THEMIS: variants seen among roughly 807,000 people sequenced by gnomAD.
THEMIS encodes the protein thymocyte selection associated.
In THEMIS, 37 loss-of-function variants were observed where a neutral mutation model predicts 52.6. The observed-to-expected ratio is 0.70, with a 90% CI of 0.54 to 0.93. The LOEUF (loss-of-function observed/expected upper bound fraction) is 0.93, where lower values mean the gene tolerates loss of function less well. Among genes scored for constraint, THEMIS ranks in the 40% least tolerant of loss-of-function variants. The probability of loss-of-function intolerance (pLI) is 0.00; values close to 1 mark genes in which losing one functional copy is unlikely to be tolerated. For missense variants in THEMIS, 808 were observed against 763.1 expected, an observed-to-expected ratio of 1.06 and a Z score of -0.69; for synonymous variants, 292 against 272.7, an observed-to-expected ratio of 1.07 and a Z score of -0.70.
intron 4 of THEMIS, among the ~76,000 whole-genome samples, chr6:127,746,989 A>ATATAATATAAT (rs1775446869): frequency 2.6e-5 from 2 of 76,422 alleles, no homozygotes; most frequent in African/African-American, 1.2e-4. Context: ...ATATAATTAT[A>ATATAATATAAT]TATAGATATC....
intron 4 of THEMIS, among the ~76,000 whole-genome samples, chr6:127,765,048 T>A (rs1049841898): frequency 6.6e-6 from 1 of 152,044 alleles, no homozygotes; most frequent in Non-Finnish European, 1.5e-5. Flanking sequence ...CCGTTGAGAC[T>A]TTCAAGAATT....
intron 4 of THEMIS, among the ~76,000 whole-genome samples, chr6:127,786,804 T>A (rs1776964971): frequency 6.6e-6 from 1 of 152,208 alleles, no homozygotes; most frequent in South Asian, 2.1e-4. Flanking sequence ...ATCTTTTTTT[T>A]AAGAAAAGTG....
In THEMIS at chr6:127,787,701, C is replaced by T. The variant is rs528935550; in HGVS notation, c.1758+25182G>A. Among the ~76,000 whole-genome samples the T allele has an allele frequency of 6.6e-5, 10 of 152,152 alleles. No homozygotes were observed. In the South Asian group the frequency reaches 2.1e-3, roughly 32 times the overall value. ...TCTCGTTTCTCATCATTACAAACAT[C>T]AGCATGGCATGAGGTTAATAAAGGA... On this transcript the variant is annotated intron_variant, in intron 4 of 5. Transcript: ENST00000368248.
At chr6:127,781,768 C>G (rs997625109) in intron 4 of THEMIS, among the ~76,000 whole-genome samples, 3 of 152,096 alleles carry the variant, frequency 2.0e-5, no homozygotes, top group African/African-American at 7.2e-5. Context: ...CCTCTGGAAG[C>G]TTTGTCCCAG....
chr6:127,787,880 T>TAGATAGATAGATAG (rs200767496), intron 4 of THEMIS, among the ~76,000 whole-genome samples: 8 of 120,002 alleles, frequency 6.7e-5, no homozygotes, highest in East Asian at 4.6e-4. Context: ...GATAGATAGA[T>TAGATAGATAGATAG]ATAGATAGAT....
chr6:127,829,554 A>C lies in THEMIS; in HGVS notation c.631T>G (p.Ser211Ala). Residue 211 changes from serine (S) to alanine (A), a missense_variant, in exon 3 of 6, where the codon TCA becomes GCA. Ser to Ala is a moderately conservative substitution (Grantham distance 99). Coordinates refer to ENST00000368248, the MANE Select transcript of THEMIS (RefSeq NM_001010923.3). ...NLTDFSNKWD[S>A]TNPFPKDFYG... ...AAGTCTTTAGGAAATGGATTCGTTG[A>C]GTCCCACTTATTTGAAAAATCTGTA... The C allele has an allele frequency of 6.2e-7, 1 of 1,614,044 alleles. No individual in the cohort carries two copies. Among genetic ancestry groups the C allele is most frequent in the Non-Finnish European group, 8.5e-7 (1 of 1,179,958 alleles).
chr6:127,819,875 C>G (rs992297334), intron 3 of THEMIS, among the ~76,000 whole-genome samples: 1 of 152,042 alleles, frequency 6.6e-6, no homozygotes, highest in African/African-American at 2.4e-5. Context: ...TAAATGAAGG[C>G]AGAATAAAAC....
At chr6:127,874,065 C>G (rs1282883624) in intron 1 of THEMIS, among the ~76,000 whole-genome samples, 2 of 152,288 alleles carry the variant, frequency 1.3e-5, no homozygotes, top group East Asian at 1.9e-4. Context: ...AGGTCTCATG[C>G]TGTTTTCAAG....
intron 2 of THEMIS, among the ~76,000 whole-genome samples, chr6:127,840,797 A>T (rs183192518): frequency 5.3e-5 from 8 of 152,208 alleles, no homozygotes; most frequent in African/African-American, 1.7e-4. Flanking sequence ...CATCATGAAA[A>T]GCCATGTAAG....
At chr6:127,794,939 C>CA (rs1369892403) in intron 4 of THEMIS, among the ~76,000 whole-genome samples, 2 of 151,756 alleles carry the variant, frequency 1.3e-5, no homozygotes, top group African/African-American at 4.8e-5. Context: ...AAATGTAACA[C>CA]AAAAAAACAG....
At position 127,829,624 on chromosome 6, in the gene THEMIS, A is replaced by G. The variant is rs1188058375; in HGVS notation, c.561T>C (p.Ile187=). ...EDERIYTLKE[I]VEWKIPKNRT... ...TGTTCTTAGGAATCTTCCATTCAAC[A>G]ATCTCCTTTAGAGTGTAAATACGTT... is the stretch of plus-strand genomic sequence containing the variant. The change falls in exon 3 of 6, where the codon ATT becomes ATC. Residue 187 remains isoleucine, a synonymous_variant. Transcript: ENST00000368248. 3 of 1,613,986 alleles carry G rather than the reference A, an allele frequency of 1.9e-6. No homozygotes were observed. The Admixed American group carries it at 5.0e-5, about 27-fold the overall frequency.
chr6:127,896,715 T>A (rs1486427658), intron 1 of THEMIS, among the ~76,000 whole-genome samples: 1 of 151,580 alleles, frequency 6.6e-6, no homozygotes, highest in Non-Finnish European at 1.5e-5. Flanking sequence ...AATTTGGCTG[T>A]GTGTTATAAT....
At chr6:127,784,982 TC>T (rs143521670) in intron 4 of THEMIS, among the ~76,000 whole-genome samples, 9,852 of 134,472 alleles carry the variant, frequency 0.073, 340 homozygotes, top group Non-Finnish European at 0.091. Flanking sequence ...TATCTATCTA[TC>T]TATCTATCTA....
the THEMIS span, among the ~76,000 whole-genome samples, chr6:127,702,844 C>A: frequency 6.6e-6 from 1 of 151,852 alleles, no homozygotes; most frequent in Non-Finnish European, 1.5e-5. Flanking sequence ...CTTTTTAAAA[C>A]CATCAGATCT....
Position 127,762,500 on chromosome 6 carries a change from C to T in THEMIS, c.1759-42677G>A, listed in dbSNP as rs191904961. ...AAGCGCTTATCATTCCTTATGCACT[C>T]TGGCTCTCTGCCAGCTCTCAGATAA... is the stretch of plus-strand genomic sequence containing the variant. On this transcript the variant is annotated intron_variant, in intron 4 of 5. Transcript: ENST00000368248. Among the ~76,000 whole-genome samples the T allele has an allele frequency of 9.1e-4, 139 of 152,210 alleles. No individual in the cohort carries two copies. The Middle Eastern group carries it at 0.01, about 11-fold the overall frequency.
At chr6:127,901,863 A>T (rs1781142395), upstream of THEMIS, among the ~76,000 whole-genome samples, 1 of 152,058 alleles carries the variant, frequency 6.6e-6, no homozygotes, top group South Asian at 2.1e-4. Flanking sequence ...TATTGTTGAA[A>T]TTTAGGAGGG....
chr6:127,787,857 A>AGAT (rs1777014394), intron 4 of THEMIS, among the ~76,000 whole-genome samples: 1 of 129,562 alleles, frequency 7.7e-6, no homozygotes, highest in African/African-American at 3.1e-5. Flanking sequence ...AGATATAGAT[A>AGAT]GATAGATAGA....
chr6:127,855,286 C>T (rs1288900916), intron 1 of THEMIS, 98 bp from the exon 2 acceptor site: 7 of 983,288 alleles, frequency 7.1e-6, no homozygotes, highest in African/African-American at 3.3e-5. Flanking sequence ...AATTCAGTTC[C>T]TCTCTTAGCT....
chr6:127,844,262 T>A (rs1473099071), intron 2 of THEMIS, among the ~76,000 whole-genome samples: 3 of 151,966 alleles, frequency 2.0e-5, no homozygotes, highest in Non-Finnish European at 4.4e-5. Context: ...AATTTATATA[T>A]ACATAAAAGT....
Sources: allele counts gnomAD v4.1 joint callset (sites outside exome capture counted in the v4.1 genomes callset), GRCh38; gene constraint gnomAD v4.1.1; transcripts MANE v1.5; gene names NCBI Gene and HGNC (gene_info 2026-07-23, HGNC 2026-07-21).